ULK4: variants seen among roughly 807,000 people sequenced by gnomAD.
ULK4 encodes the protein inactive serine/threonine-protein kinase ULK4.
ULK4 carries 133 observed loss-of-function variants against 160.6 expected under a neutral mutation model. The ratio of observed to expected loss-of-function variants is 0.83; its 90% confidence interval spans 0.72 to 0.96. ULK4 has a LOEUF of 0.96. Ranked by LOEUF, ULK4 falls within the 40% of genes least tolerant of loss-of-function variation. ULK4 has a pLI of 0.00. For missense variants in ULK4, 1,580 were observed against 1,499.5 expected, an observed-to-expected ratio of 1.05 and a Z score of -0.89; for synonymous variants, 534 against 539.8, an observed-to-expected ratio of 0.99 and a Z score of 0.15.
At chr3:41,954,877 A>G in intron 1 of ULK4, 70 bp from the exon 2 acceptor site, 1 of 1,009,386 alleles carries the variant, frequency 9.9e-7, no homozygotes, top group South Asian at 1.9e-5. Flanking sequence ...TAGGATAATT[A>G]GCCTAGGATA....
rs768329978 is a variant in ULK4 at position 41,958,751 on chromosome 3, GA to G, written c.-49+3264del. Among the ~76,000 whole-genome samples the G allele has an allele frequency of 5.3e-5, 8 of 150,466 alleles. No homozygotes were observed. The South Asian group carries it at 1.1e-3, about 20-fold the overall frequency. Reference sequence around the variant, plus strand: ...AATTAAGGAAACTCATTTTACAGATGAAAAAAAAATCCAAGATTGTTCTAGG... The same window carrying G: ...AATTAAGGAAACTCATTTTACAGATGAAAAAAAATCCAAGATTGTTCTAGG... On this transcript the variant is annotated intron_variant, in intron 1 of 36. Transcript: ENST00000301831.
In ULK4 at chr3:41,896,970, CA is replaced by C; in HGVS notation, c.1381del (p.Trp461GlyfsTer26). The C allele has an allele frequency of 1.2e-6, 2 of 1,612,906 alleles. No homozygotes were observed. The highest frequency in any genetic ancestry group is 1.7e-6 in the Non-Finnish European group (2 of 1,179,716). ...GCACACTTGTTGCAAAAAGTCATTC[CA>C]ATCTTGATCTTTCAGAAATAATAAC... ...DKLLFLKDQDWNDFLQQVCSQ... is the reference protein window; with the variant it reads ...DKLLFLKDQDXNDFLQQVCSQ... On this transcript the variant is annotated frameshift_variant, in exon 15 of 37. Transcript: ENST00000301831. LOFTEE classifies it high-confidence loss of function.
intron 35 of ULK4, among the ~76,000 whole-genome samples, chr3:41,275,876 G>A (rs2079220998): frequency 6.6e-6 from 1 of 152,230 alleles, no homozygotes; most frequent in Non-Finnish European, 1.5e-5. Flanking sequence ...AGAACAGGTG[G>A]TTAATGATCT....
intron 35 of ULK4, among the ~76,000 whole-genome samples, chr3:41,375,461 G>A (rs985329557): frequency 1.3e-5 from 2 of 149,780 alleles, no homozygotes; most frequent in Non-Finnish European, 2.9e-5. Context: ...AACAGAGGCC[G>A]CAGAAATAAC....
intron 17 of ULK4, among the ~76,000 whole-genome samples, chr3:41,862,420 GGTGAGGT>G (rs2042520475): frequency 6.6e-6 from 1 of 152,032 alleles, no homozygotes; most frequent in Admixed American, 6.6e-5. Context: ...AAAGTTCATT[GGTGAGGT>G]CATGTTTTCC....
At chr3:41,293,964 C>G (rs957947732) in intron 35 of ULK4, among the ~76,000 whole-genome samples, 1 of 152,200 alleles carries the variant, frequency 6.6e-6, no homozygotes, top group Non-Finnish European at 1.5e-5. Flanking sequence ...TGTGAACCAA[C>G]ATATGAAGGT....
At chr3:41,726,702 G>A (rs967673867) in intron 22 of ULK4, among the ~76,000 whole-genome samples, 3 of 152,190 alleles carry the variant, frequency 2.0e-5, no homozygotes, top group Middle Eastern at 6.8e-3. Context: ...TGCAACCTCC[G>A]CCTCCTGGGT....
chr3:41,579,840 G>A lies in ULK4; in HGVS notation c.3121-13710C>T, dbSNP rs145927362. On this transcript the variant is annotated intron_variant, in intron 31 of 36. Coordinates refer to ENST00000301831, the MANE Select transcript of ULK4 (RefSeq NM_017886.4). The stretch of plus-strand genomic sequence containing the variant: ...AGTGAGTCAAAAGACCTGCTGACCC[G>A]CATGTTGGAGAGACGTGCACAGACA... Among the ~76,000 whole-genome samples the A allele has an allele frequency of 2.0e-3, 312 of 152,226 alleles. 1 individual carries two copies. Among genetic ancestry groups the A allele is most frequent in the Non-Finnish European group, 3.6e-3 (247 of 68,020 alleles).
intron 35 of ULK4, among the ~76,000 whole-genome samples, chr3:41,293,595 C>T (rs1268099329): frequency 6.6e-6 from 1 of 152,126 alleles, no homozygotes; most frequent in Non-Finnish European, 1.5e-5. Context: ...TAGTCTGATA[C>T]CCTGGGTTGA....
intron 36 of ULK4, among the ~76,000 whole-genome samples, chr3:41,248,957 C>A (rs1414002221): frequency 6.6e-6 from 1 of 152,216 alleles, no homozygotes; most frequent in African/African-American, 2.4e-5. Context: ...CTGTCAGCTT[C>A]CGGGTGTCAA....
chr3:41,935,897 T>C lies in ULK4; in HGVS notation c.282A>G (p.Pro94=), dbSNP rs774582538. The change falls in exon 4 of 37, where the codon CCA becomes CCG. Residue 94 remains proline (P), a synonymous_variant. Transcript: ENST00000301831. Reference sequence around the variant, plus strand: ...TTCCAAATTCTCTCACAACATCTTCTGGGAGGTTTTCATCTTGAGCAATAA... The same window carrying C: ...TTCCAAATTCTCTCACAACATCTTCCGGGAGGTTTTCATCTTGAGCAATAA... ...KTVIAQDENL[P]EDVVREFGID... 3.1e-6 allele frequency: 5 copies of C among 1,614,020 alleles called. No individual in the cohort carries two copies. The highest frequency in any genetic ancestry group is 4.2e-6 in the Non-Finnish European group (5 of 1,179,982).
chr3:41,385,307 T>A (rs2081780653), intron 35 of ULK4, among the ~76,000 whole-genome samples: 1 of 152,056 alleles, frequency 6.6e-6, no homozygotes, highest in Non-Finnish European at 1.5e-5. Flanking sequence ...AAAACTATCA[T>A]CAATGGCAAC....
intron 35 of ULK4, among the ~76,000 whole-genome samples, chr3:41,368,467 T>A (rs1271735733): frequency 1.3e-5 from 2 of 152,198 alleles, no homozygotes; most frequent in Non-Finnish European, 2.9e-5. Flanking sequence ...CACAATCAAT[T>A]TTAGAATACC....
chr3:41,586,358 T>C (rs1396977124), intron 31 of ULK4, among the ~76,000 whole-genome samples: 4 of 152,140 alleles, frequency 2.6e-5, no homozygotes, highest in African/African-American at 7.2e-5. Flanking sequence ...TGGATGAATC[T>C]CAAGGACATT....
intron 32 of ULK4, among the ~76,000 whole-genome samples, chr3:41,535,303 A>G (rs1174910892): frequency 6.6e-6 from 1 of 152,218 alleles, no homozygotes; most frequent in Non-Finnish European, 1.5e-5. Flanking sequence ...GAAATTCCAC[A>G]ATATGAAGAA....
intron 31 of ULK4, among the ~76,000 whole-genome samples, chr3:41,581,643 C>T (rs375830625): frequency 2.0e-5 from 3 of 152,202 alleles, no homozygotes; most frequent in Non-Finnish European, 2.9e-5. Context: ...GCCAGGCCCA[C>T]CCCAGGTCCT....
chr3:41,422,937 G>A (rs1271266261), intron 34 of ULK4, among the ~76,000 whole-genome samples: 1 of 152,098 alleles, frequency 6.6e-6, no homozygotes, highest in Non-Finnish European at 1.5e-5. Context: ...CCATCCATCA[G>A]AAGATGTTTG....
At chr3:41,840,436 C>T (rs946012895) in intron 17 of ULK4, among the ~76,000 whole-genome samples, 8 of 152,212 alleles carry the variant, frequency 5.3e-5, no homozygotes, top group Admixed American at 3.3e-4. Context: ...ACTGTACTGC[C>T]GTGGTCTCAG....
chr3:41,251,381 CAT>C lies in ULK4; in HGVS notation c.3679-1809_3679-1808del, dbSNP rs1456150116. Among the ~76,000 whole-genome samples, 11 of 152,328 alleles carry C rather than the reference CAT, an allele frequency of 7.2e-5. No individual in the cohort carries two copies. In the East Asian group the frequency reaches 2.1e-3, roughly 29 times the overall value. Reference sequence around the variant, plus strand: ...AGTTCTGCGTAAGACAGAGAAAACACATGACACTCTTTCTCTCCCTCTGGATG... The same window carrying C: ...AGTTCTGCGTAAGACAGAGAAAACACGACACTCTTTCTCTCCCTCTGGATG... On this transcript the variant is annotated intron_variant, in intron 35 of 36. Coordinates refer to ENST00000301831, the MANE Select transcript of ULK4 (RefSeq NM_017886.4).
Sources: gnomAD v4.1 joint callset for allele counts (sites outside exome capture counted in the v4.1 genomes callset) on GRCh38, gnomAD v4.1.1 for gene constraint, MANE v1.5 for transcripts, NCBI Gene and HGNC (gene_info 2026-07-23, HGNC 2026-07-21) for gene names.